GMDS: variants seen among roughly 807,000 people sequenced by gnomAD.
GMDS encodes GDP-mannose 4,6 dehydratase.
Under a neutral mutation model 49.9 loss-of-function variants are expected in GMDS, and 20 were observed. The observed-to-expected ratio is 0.40, with a 90% confidence interval of 0.28 to 0.58. The LOEUF (loss-of-function observed/expected upper bound fraction) is 0.58, where lower values mean the gene tolerates loss of function less well. Among genes scored for constraint, GMDS ranks in the 20% least tolerant of loss-of-function variants. GMDS has a pLI of 0.42. For missense variants in GMDS, 362 were observed against 481.4 expected (o/e 0.75, Z 2.32); for synonymous variants, 177 against 178.6 (o/e 0.99, Z 0.07).
intron 9 of GMDS, among the ~76,000 whole-genome samples, chr6:1,693,515 C>A (rs1046848123): frequency 3.3e-5 from 5 of 152,234 alleles, no homozygotes; most frequent in South Asian, 4.1e-4. Context: ...TTTCCTGTAT[C>A]TCAGAGGTTA....
intron 1 of GMDS, among the ~76,000 whole-genome samples, chr6:2,162,529 GT>G (rs1777451754): frequency 1.3e-5 from 2 of 152,034 alleles, no homozygotes; most frequent in African/African-American, 4.8e-5. Flanking sequence ...AGACCTTATT[GT>G]TTTTTCTAGT....
At position 1,802,589 on chromosome 6, in the gene GMDS, G is replaced by A. The variant is rs566914984; in HGVS notation, c.772-60003C>T. 2.3e-3 allele frequency among the ~76,000 whole-genome samples: 356 copies of A among 152,312 alleles called. 2 individuals carry two copies. The highest frequency in any genetic ancestry group is 8.4e-3 in the African/African-American group (348 of 41,562). The stretch of plus-strand genomic sequence containing the variant: ...GCAGGCAGGAGAGAAAGGATAGTGT[G>A]ACATTAACACAGGGACCTGCTCCGC... On this transcript the variant is annotated intron_variant, in intron 7 of 10. Coordinates refer to ENST00000380815, the MANE Select transcript of GMDS (RefSeq NM_001500.4).
intron 1 of GMDS, among the ~76,000 whole-genome samples, chr6:2,173,292 A>G (rs981610806): frequency 7.2e-5 from 11 of 152,260 alleles, no homozygotes; most frequent in African/African-American, 2.7e-4. Context: ...AGGAGGGTAG[A>G]AATGTTTTCA....
chr6:1,977,836 G>A (rs888893754), intron 4 of GMDS, among the ~76,000 whole-genome samples: 24 of 152,188 alleles, frequency 1.6e-4, no homozygotes, highest in African/African-American at 5.1e-4. Context: ...TGGCAGAACA[G>A]CTGCTCAGGC....
chr6:1,807,677 C>T (rs1187462221), intron 7 of GMDS, among the ~76,000 whole-genome samples: 1 of 152,184 alleles, frequency 6.6e-6, no homozygotes, highest in African/African-American at 2.4e-5. Context: ...CAGTAAGATT[C>T]CAGAGCAACT....
intron 7 of GMDS, among the ~76,000 whole-genome samples, chr6:1,894,407 G>A (rs1337544202): frequency 1.3e-5 from 2 of 152,112 alleles, no homozygotes; most frequent in South Asian, 2.1e-4. Context: ...TTAGGACAGT[G>A]TTATGGAAAA....
At chr6:1,948,914 TCAA>T in intron 6 of GMDS, 1 of 168,086 alleles carries the variant, frequency 5.9e-6, no homozygotes, top group Non-Finnish European at 1.2e-5. Context: ...GTTTTATCTG[TCAA>T]CACCACTGAA....
At chr6:2,021,488 G>A (rs1409660105) in intron 4 of GMDS, among the ~76,000 whole-genome samples, 1 of 152,052 alleles carries the variant, frequency 6.6e-6, no homozygotes, top group Non-Finnish European at 1.5e-5. Flanking sequence ...GTGTTTAAAG[G>A]CTTAGTCCAA....
intron 7 of GMDS, among the ~76,000 whole-genome samples, chr6:1,819,630 A>G: frequency 6.6e-6 from 1 of 151,774 alleles, no homozygotes; most frequent in Non-Finnish European, 1.5e-5. Flanking sequence ...GCGTGGGGGC[A>G]GGCGCCTGTC....
intron 4 of GMDS, among the ~76,000 whole-genome samples, chr6:1,978,310 A>G (rs112259848): frequency 0.024 from 3,630 of 152,092 alleles, 142 homozygotes; most frequent in African/African-American, 0.081. Context: ...GCCATGCCCA[A>G]GCGCATGTAT....
At chr6:2,243,569 C>T (rs1781714395) in intron 1 of GMDS, among the ~76,000 whole-genome samples, 1 of 152,166 alleles carries the variant, frequency 6.6e-6, no homozygotes, top group African/African-American at 2.4e-5. Context: ...AAGGTCCCAG[C>T]ATTAGAAAAC....
At chr6:1,679,943 A>C (rs894153302) in intron 9 of GMDS, 1 of 152,232 alleles carries the variant, frequency 6.6e-6, no homozygotes. Context: ...ACAAGGAAAA[A>C]AAAGGAAAGA....
intron 4 of GMDS, among the ~76,000 whole-genome samples, chr6:2,113,091 C>T (rs1186168851): frequency 6.6e-6 from 1 of 152,166 alleles, no homozygotes; most frequent in Non-Finnish European, 1.5e-5. Flanking sequence ...TCAAGTAACG[C>T]CAGTAAAATG....
At chr6:2,124,241 C>T (rs988433404) in intron 2 of GMDS, among the ~76,000 whole-genome samples, 9 of 152,002 alleles carry the variant, frequency 5.9e-5, no homozygotes, top group African/African-American at 2.2e-4. Flanking sequence ...TATATGGTTG[C>T]CTATTAGAAA....
At position 2,245,356 on chromosome 6, in the gene GMDS, T is replaced by G; in HGVS notation, c.67A>C (p.Arg23=). The G allele has an allele frequency of 6.4e-7, 1 of 1,553,576 alleles. No homozygotes were observed. Among genetic ancestry groups the G allele is most frequent in the Non-Finnish European group, 8.7e-7 (1 of 1,154,778 alleles). ...ATACCGGTGATGAGCGCCACGTTCC[T>G]GGGCTTGCCCATCTCGCCGTCCCCG... ...GSGDGEMGKP[R]NVALITGITG... The change falls in exon 1 of 11, where the codon AGG becomes CGG. Residue 23 remains arginine (R), a synonymous_variant. Coordinates refer to ENST00000380815, the MANE Select transcript of GMDS (RefSeq NM_001500.4).
At chr6:2,234,386 T>C (rs1044763501) in intron 1 of GMDS, among the ~76,000 whole-genome samples, 1 of 152,164 alleles carries the variant, frequency 6.6e-6, no homozygotes, top group African/African-American at 2.4e-5. Flanking sequence ...GGCAGGCAGA[T>C]CACCTGAGGC....
intron 4 of GMDS, among the ~76,000 whole-genome samples, chr6:2,071,264 CAG>C (rs1346362220): frequency 6.6e-6 from 1 of 152,180 alleles, no homozygotes; most frequent in Non-Finnish European, 1.5e-5. Flanking sequence ...ATAAAGTGCA[CAG>C]GGCATTTCAG....
At chr6:1,832,001 TAA>T (rs1403679740) in intron 7 of GMDS, among the ~76,000 whole-genome samples, 2 of 152,078 alleles carry the variant, frequency 1.3e-5, no homozygotes, top group African/African-American at 2.4e-5. Flanking sequence ...AGAAATTTAA[TAA>T]ATATATAAAA....
intron 1 of GMDS, among the ~76,000 whole-genome samples, chr6:2,227,037 G>A (rs1268738383): frequency 2.0e-5 from 3 of 152,132 alleles, no homozygotes; most frequent in Non-Finnish European, 4.4e-5. Flanking sequence ...AAAAGATAAT[G>A]CAGGCAGTAA....
Sources: gnomAD v4.1 joint callset for allele counts (sites outside exome capture counted in the v4.1 genomes callset) on GRCh38, gnomAD v4.1.1 for gene constraint, MANE v1.5 for transcripts, NCBI Gene and HGNC (gene_info 2026-07-23, HGNC 2026-07-21) for gene names.